GRM7: variants seen among roughly 807,000 people sequenced by gnomAD.
GRM7 encodes metabotropic glutamate receptor 7.
Under a neutral mutation model 84.5 loss-of-function variants are expected in GRM7, and 35 were observed. The observed-to-expected ratio is 0.41, with a 90% CI of 0.32 to 0.55. The LOEUF (loss-of-function observed/expected upper bound fraction) is 0.55. GRM7 is among the 20% of genes least tolerant of loss of function. The pLI is 0.19. For synonymous variants in GRM7, 487 were observed against 455.1 expected (o/e 1.07, Z -0.89); for missense variants, 1,003 against 1,194.6 (o/e 0.84, Z 2.36).
At chr3:6,974,905 A>C (rs998978154) in intron 1 of GRM7, among the ~76,000 whole-genome samples, 1 of 152,144 alleles carries the variant, frequency 6.6e-6, no homozygotes, top group African/African-American at 2.4e-5. Context: ...TATAGAATAA[A>C]TAGATCGTGC....
In GRM7 at chr3:7,673,878, AATAG is replaced by A. The variant is rs752109139; in HGVS notation, c.2452-6168_2452-6165del. 4.5e-4 allele frequency among the ~76,000 whole-genome samples: 69 copies of A among 152,294 alleles called. 1 individual carries two copies. Among genetic ancestry groups the A allele is most frequent in the African/African-American group, 1.3e-3 (54 of 41,566 alleles). On this transcript the variant is annotated intron_variant, in intron 8 of 9. Coordinates refer to ENST00000357716, the MANE Select transcript of GRM7 (RefSeq NM_000844.4). ...TTGTGGTATACTCAAATTGCTTCCT[AATAG>A]ATCAATTTCTTCAGGATGAATTTGC...
intron 8 of GRM7, among the ~76,000 whole-genome samples, chr3:7,593,788 A>G (rs1461382194): frequency 1.3e-5 from 2 of 152,122 alleles, no homozygotes; most frequent in Non-Finnish European, 2.9e-5. Context: ...AGCTTTAGAA[A>G]CTGATTTATG....
chr3:7,535,697 C>A (rs1174017131), intron 7 of GRM7, among the ~76,000 whole-genome samples: 2 of 152,208 alleles, frequency 1.3e-5, no homozygotes, highest in African/African-American at 2.4e-5. Context: ...GGGAGACCAA[C>A]AATTAATATT....
At chr3:6,990,835 T>C (rs1188240341) in intron 1 of GRM7, among the ~76,000 whole-genome samples, 3 of 152,190 alleles carry the variant, frequency 2.0e-5, no homozygotes, top group African/African-American at 7.2e-5. Flanking sequence ...CTCCAAAGTC[T>C]TCATTAAATC....
In GRM7 at chr3:7,612,293, C is replaced by G. The variant is rs149911323; in HGVS notation, c.2451+32936C>G. Among the ~76,000 whole-genome samples, 10 of 152,262 alleles carry G rather than the reference C, an allele frequency of 6.6e-5. No individual in the cohort carries two copies. In the East Asian group the frequency reaches 1.9e-3, roughly 29 times the overall value. ...AAGATAGGTGTGGCAACAATAGTAA[C>G]TACTTCCTGGAGTTTATGTTCAGAA... On this transcript the variant is annotated intron_variant, in intron 8 of 9. Transcript: ENST00000357716.
chr3:7,101,254 C>G (rs1237818989), intron 1 of GRM7, among the ~76,000 whole-genome samples: 2 of 151,878 alleles, frequency 1.3e-5, no homozygotes, highest in East Asian at 3.9e-4. Flanking sequence ...ACCACAGACT[C>G]TCTAACTTTT....
At chr3:6,930,386 C>T (rs1036991253) in intron 1 of GRM7, among the ~76,000 whole-genome samples, 3 of 152,152 alleles carry the variant, frequency 2.0e-5, no homozygotes, top group African/African-American at 4.8e-5. Flanking sequence ...AGAGGTCAAA[C>T]GATTGCGTGT....
At chr3:7,174,994 A>T (rs1393972500) in intron 2 of GRM7, among the ~76,000 whole-genome samples, 1 of 152,238 alleles carries the variant, frequency 6.6e-6, no homozygotes, top group African/African-American at 2.4e-5. Context: ...CCCAGCACAA[A>T]GTCAAGAACA....
Position 7,583,850 on chromosome 3 carries a change from G to C in GRM7, c.2451+4493G>C, listed in dbSNP as rs185257180. Among the ~76,000 whole-genome samples, 4 of 152,308 alleles carry C rather than the reference G, an allele frequency of 2.6e-5. No individual in the cohort carries two copies. In the South Asian group the frequency reaches 8.3e-4, roughly 32 times the overall value. On this transcript the variant is annotated intron_variant, in intron 8 of 9. Coordinates refer to ENST00000357716, the MANE Select transcript of GRM7 (RefSeq NM_000844.4). ...TTCAGTAATTAAACTTACAATGCGT[G>C]TACTGTGCCCTTGGTACTCTGTTAA...
chr3:7,352,058 C>A (rs1400342565), intron 4 of GRM7, among the ~76,000 whole-genome samples: 5 of 2,964 alleles, frequency 1.7e-3, no homozygotes, highest in Non-Finnish European at 4.1e-3. Flanking sequence ...ACACACACAC[C>A]ACACACACAC....
intron 1 of GRM7, among the ~76,000 whole-genome samples, chr3:7,016,127 T>C (rs1695557721): frequency 6.8e-6 from 1 of 147,522 alleles, no homozygotes. Flanking sequence ...TTGATCTATC[T>C]GGGCTAAAAT....
chr3:6,962,997 T>C (rs1279545103), intron 1 of GRM7, among the ~76,000 whole-genome samples: 1 of 152,232 alleles, frequency 6.6e-6, no homozygotes, highest in Non-Finnish European at 1.5e-5. Flanking sequence ...ACTGCCTTCA[T>C]TTCTGGAAAA....
chr3:7,181,310 C>T (rs1013826937), intron 2 of GRM7, among the ~76,000 whole-genome samples: 9 of 152,064 alleles, frequency 5.9e-5, no homozygotes, highest in African/African-American at 1.9e-4. Context: ...TTAGATTTGT[C>T]TCCCTTCAAT....
chr3:7,315,525 A>T (rs1414578764), intron 4 of GRM7, among the ~76,000 whole-genome samples: 1 of 152,190 alleles, frequency 6.6e-6, no homozygotes, highest in African/African-American at 2.4e-5. Flanking sequence ...GTTCTGAGTT[A>T]GGTGAAAAAG....
chr3:6,972,383 G>T lies in GRM7; in HGVS notation c.519+110476G>T, dbSNP rs1693792981. ...GTCCGTGTTTCTTCGTCTTCTGATA[G>T]AGCGCAGAAGGTAAGGGTAAAGGAC... On this transcript the variant is annotated intron_variant, in intron 1 of 9. Transcript: ENST00000357716. Among the ~76,000 whole-genome samples, 4 of 152,178 alleles carry T rather than the reference G, an allele frequency of 2.6e-5. No homozygotes were observed. The South Asian group carries it at 8.3e-4, about 32-fold the overall frequency.
chr3:7,513,684 A>G (rs574631198), intron 7 of GRM7, among the ~76,000 whole-genome samples: 1 of 152,312 alleles, frequency 6.6e-6, no homozygotes, highest in Admixed American at 6.5e-5. Flanking sequence ...ATCATTACAC[A>G]TTGTGTGCAC....
At chr3:7,102,985 T>C (rs962138174) in intron 1 of GRM7, among the ~76,000 whole-genome samples, 22 of 151,788 alleles carry the variant, frequency 1.4e-4, no homozygotes, top group African/African-American at 5.1e-4. Context: ...GGCTTCAATA[T>C]ATTTATAATA....
chr3:6,875,379 T>A lies in GRM7; in HGVS notation c.519+13472T>A, dbSNP rs932424347. On this transcript the variant is annotated intron_variant, in intron 1 of 9. Transcript: ENST00000357716. Reference sequence around the variant, plus strand: ...CGGGGCCAGGTAGAGGTAAATTGAATCATGGGGGTGGTTTCCCCCATACTG... The same window carrying A: ...CGGGGCCAGGTAGAGGTAAATTGAAACATGGGGGTGGTTTCCCCCATACTG... Among the ~76,000 whole-genome samples, 7 of 152,276 alleles carry A rather than the reference T, an allele frequency of 4.6e-5. 1 individual carries two copies. The highest frequency in any genetic ancestry group is 3.9e-4 in the East Asian group (2 of 5,174).
At position 7,512,138 on chromosome 3, in the gene GRM7, C is replaced by A. The variant is rs949227592; in HGVS notation, c.1515+50416C>A. 3.9e-5 allele frequency among the ~76,000 whole-genome samples: 6 copies of A among 151,950 alleles called. No homozygotes were observed. The East Asian group carries it at 1.2e-3, about 29-fold the overall frequency. Reference sequence around the variant, plus strand: ...CACTCCAGCCTGAGTGACAGAGACCCTGTCTCTGGAAATAAAAAAGAAAAG... The same window carrying A: ...CACTCCAGCCTGAGTGACAGAGACCATGTCTCTGGAAATAAAAAAGAAAAG... On this transcript the variant is annotated intron_variant, in intron 7 of 9. Coordinates refer to ENST00000357716, the MANE Select transcript of GRM7 (RefSeq NM_000844.4).
Sources: gnomAD v4.1 joint callset for allele counts (sites outside exome capture counted in the v4.1 genomes callset) on GRCh38, gnomAD v4.1.1 for gene constraint, MANE v1.5 for transcripts, NCBI Gene and HGNC (gene_info 2026-07-23, HGNC 2026-07-21) for gene names.